Variants in MAP3K5 observed in about 807,000 individuals in gnomAD.
The protein encoded by MAP3K5 is mitogen-activated protein kinase kinase kinase 5.
MAP3K5 carries 56 observed loss-of-function variants against 158.7 expected under a neutral mutation model. The observed-to-expected ratio is 0.35, with a 90% CI of 0.28 to 0.44. MAP3K5 has a LOEUF of 0.44. Among genes scored for constraint, MAP3K5 ranks in the 20% least tolerant of loss-of-function variants. MAP3K5 has a pLI of 1.00. For missense variants in MAP3K5, 1,294 were observed against 1,674.8 expected (o/e 0.77, Z 3.97); for synonymous variants, 579 against 601.7 (o/e 0.96, Z 0.55).
intron 21 of MAP3K5, among the ~76,000 whole-genome samples, chr6:136,599,502 T>A (rs1221623328): frequency 6.7e-6 from 1 of 150,188 alleles, no homozygotes; most frequent in Non-Finnish European, 1.5e-5. Flanking sequence ...TCTCTCTCTC[T>A]CATATATGCA....
rs377307659 is a variant in MAP3K5, at chr6:136,732,186, A to G, written c.449-11597T>C. 1.1e-3 allele frequency among the ~76,000 whole-genome samples: 169 copies of G among 152,282 alleles called. No homozygotes were observed. In the South Asian group the frequency reaches 0.013, roughly 12 times the overall value. On this transcript the variant is annotated intron_variant, in intron 1 of 29. Transcript: ENST00000359015. Reference sequence around the variant, plus strand: ...ACGTCTGTAATCCCAGCACTTTGGGAGGCTGAGGCAGGCAAATCACTCGAG... The same window carrying G: ...ACGTCTGTAATCCCAGCACTTTGGGGGGCTGAGGCAGGCAAATCACTCGAG...
chr6:136,755,180 C>A (rs1468621435), intron 1 of MAP3K5, among the ~76,000 whole-genome samples: 1 of 152,038 alleles, frequency 6.6e-6, no homozygotes, highest in East Asian at 1.9e-4. Flanking sequence ...GGCTGAAAAC[C>A]CTTCACTTTA....
Position 136,601,923 on chromosome 6 carries a change from C to T in MAP3K5, c.2736G>A (p.Lys912=). 2 of 1,614,174 alleles carry T rather than the reference C, an allele frequency of 1.2e-6. No individual in the cohort carries two copies. Among genetic ancestry groups the T allele is most frequent in the African/African-American group, 2.7e-5 (2 of 75,050 alleles). Residue 912 remains lysine, a synonymous_variant, in exon 20 of 30, where the codon AAG becomes AAA. Transcript: ENST00000359015. ...GTTCAAAACATTTCAGTATGAATGCCTTGGCCTCTGCAGACATGGACTCTG... is the reference window on the plus strand; with the variant it reads ...GTTCAAAACATTTCAGTATGAATGCTTTGGCCTCTGCAGACATGGACTCTG... ...EIPESMSAEA[K]AFILKCFEPD...
At chr6:136,574,939 T>C (rs1423778798) in intron 25 of MAP3K5, among the ~76,000 whole-genome samples, 1 of 152,076 alleles carries the variant, frequency 6.6e-6, no homozygotes, top group Non-Finnish European at 1.5e-5. Flanking sequence ...TCCGCCCGCC[T>C]CGGCCTCCCA....
chr6:136,789,751 C>T (rs1399844044), intron 1 of MAP3K5, among the ~76,000 whole-genome samples: 4 of 129,672 alleles, frequency 3.1e-5, no homozygotes, highest in Admixed American at 9.1e-5. Flanking sequence ...TGCAGTGGTA[C>T]AATCTCAGCT....
At chr6:136,658,556 C>T (rs1778868017) in intron 9 of MAP3K5, among the ~76,000 whole-genome samples, 1 of 152,048 alleles carries the variant, frequency 6.6e-6, no homozygotes, top group Non-Finnish European at 1.5e-5. Flanking sequence ...CTCAAGTGAT[C>T]TGTCCACCTC....
intron 7 of MAP3K5, among the ~76,000 whole-genome samples, chr6:136,678,481 T>C (rs552761375): frequency 6.6e-6 from 1 of 152,114 alleles, no homozygotes. Flanking sequence ...GAACAATATG[T>C]AAATCTATAC....
chr6:136,625,282 A>T (rs1776980928), intron 14 of MAP3K5, among the ~76,000 whole-genome samples: 1 of 152,234 alleles, frequency 6.6e-6, no homozygotes, highest in Non-Finnish European at 1.5e-5. Flanking sequence ...CTTATGTTCC[A>T]ATAAGGCTTT....
In MAP3K5 at chr6:136,613,699, T is replaced by C. The variant is rs1203681298; in HGVS notation, c.2279-443A>G. Among the ~76,000 whole-genome samples, 2 of 152,068 alleles carry C rather than the reference T, an allele frequency of 1.3e-5. No homozygotes were observed. The highest frequency in any genetic ancestry group is 1.5e-5 in the Non-Finnish European group (1 of 67,990). ...CTCTTCCGCATTTTTGTCCTGTAAATGATTGGAGAAGACTGAATGGTGCCA... is the reference window on the plus strand; with the variant it reads ...CTCTTCCGCATTTTTGTCCTGTAAACGATTGGAGAAGACTGAATGGTGCCA... On this transcript the variant is annotated intron_variant, in intron 16 of 29. Coordinates refer to ENST00000359015, the MANE Select transcript of MAP3K5 (RefSeq NM_005923.4). The surrounding 1 kb of genome is among the most constrained non-coding windows in gnomAD (Gnocchi z 4.0).
intron 12 of MAP3K5, among the ~76,000 whole-genome samples, chr6:136,641,544 G>C (rs1004196631): frequency 6.6e-6 from 1 of 151,736 alleles, no homozygotes; most frequent in Non-Finnish European, 1.5e-5. Context: ...CCCAAGAAAT[G>C]GCATTTTCTA....
intron 8 of MAP3K5, among the ~76,000 whole-genome samples, chr6:136,666,883 T>C (rs1028221196): frequency 6.6e-6 from 1 of 152,226 alleles, no homozygotes; most frequent in Non-Finnish European, 1.5e-5. Context: ...AGTCTGTATA[T>C]GTTATGCAAT....
chr6:136,589,899 G>C (rs1469418780), intron 23 of MAP3K5, among the ~76,000 whole-genome samples: 1 of 152,164 alleles, frequency 6.6e-6, no homozygotes, highest in Non-Finnish European at 1.5e-5. Context: ...GTGACAGTTT[G>C]TTATGGTTGC....
intron 25 of MAP3K5, among the ~76,000 whole-genome samples, chr6:136,574,612 A>G (rs1317459399): frequency 6.6e-6 from 1 of 152,188 alleles, no homozygotes; most frequent in Admixed American, 6.5e-5. Flanking sequence ...AGTCTGAGAA[A>G]AAACAAATTC....
At chr6:136,617,012 C>T (rs1468893982) in intron 15 of MAP3K5, among the ~76,000 whole-genome samples, 2 of 152,076 alleles carry the variant, frequency 1.3e-5, no homozygotes, top group African/African-American at 2.4e-5. Flanking sequence ...ACCACCATAC[C>T]GGGCCCTCAG....
intron 1 of MAP3K5, among the ~76,000 whole-genome samples, chr6:136,748,007 A>G (rs959239748): frequency 6.6e-6 from 1 of 152,190 alleles, no homozygotes; most frequent in African/African-American, 2.4e-5. Context: ...TATTACCATG[A>G]TCTAAGAGAT....
intron 8 of MAP3K5, among the ~76,000 whole-genome samples, chr6:136,667,970 T>C (rs984306691): frequency 1.3e-5 from 2 of 152,218 alleles, no homozygotes; most frequent in Admixed American, 6.5e-5. Context: ...ATAAATATTC[T>C]GACTTTATTT....
At chr6:136,761,019 A>G (rs1029691784) in intron 1 of MAP3K5, among the ~76,000 whole-genome samples, 2 of 152,102 alleles carry the variant, frequency 1.3e-5, no homozygotes, top group African/African-American at 2.4e-5. Context: ...CAGAGAGGAG[A>G]GATCCCTCTC....
chr6:136,644,681 TG>T (rs1778160461), intron 11 of MAP3K5, among the ~76,000 whole-genome samples: 1 of 152,166 alleles, frequency 6.6e-6, no homozygotes, highest in African/African-American at 2.4e-5. Flanking sequence ...CAGGTTCAGG[TG>T]GCAATGTTTA....
chr6:136,705,187 A>T, intron 2 of MAP3K5, 54 bp from the exon 3 acceptor site: 2 of 830,458 alleles, frequency 2.4e-6, no homozygotes, highest in Non-Finnish European at 3.7e-6. Context: ...TGAATAATTC[A>T]ACAACATTTA....
Sources: allele counts gnomAD v4.1 joint callset (sites outside exome capture counted in the v4.1 genomes callset), GRCh38; gene constraint gnomAD v4.1.1; non-coding constraint Gnocchi (gnomAD v3.1); transcripts MANE v1.5; gene names NCBI Gene and HGNC (gene_info 2026-07-23, HGNC 2026-07-21).